The following KLHL32 variants were observed in gnomAD, a reference collection of about 807,000 sequenced individuals.
KLHL32 encodes kelch-like protein 32.
Under a neutral mutation model 64.8 loss-of-function variants are expected in KLHL32, and 35 were observed. That is an observed-to-expected ratio of 0.54 (90% CI 0.41 to 0.72). KLHL32 has a LOEUF of 0.72. Ranked by LOEUF, KLHL32 falls within the 30% of genes least tolerant of loss-of-function variation. KLHL32 has a pLI of 0.00. For synonymous variants in KLHL32, 259 were observed against 281.0 expected (o/e 0.92, Z 0.78); for missense variants, 589 against 768.5 (o/e 0.77, Z 2.76).
intron 3 of KLHL32, among the ~76,000 whole-genome samples, chr6:97,031,538 A>G (rs1783548810): frequency 6.6e-6 from 1 of 151,818 alleles, no homozygotes; most frequent in African/African-American, 2.4e-5. Flanking sequence ...GGGTCTTCCT[A>G]TGTTGCCCAG....
intron 6 of KLHL32, among the ~76,000 whole-genome samples, chr6:97,092,402 A>C (rs1794391164): frequency 6.6e-6 from 1 of 152,128 alleles, no homozygotes; most frequent in Non-Finnish European, 1.5e-5. Flanking sequence ...AAACTCATCA[A>C]ATTCGTACAT....
At chr6:97,034,264 T>C (rs1783991002) in intron 3 of KLHL32, among the ~76,000 whole-genome samples, 1 of 152,172 alleles carries the variant, frequency 6.6e-6, no homozygotes, top group Non-Finnish European at 1.5e-5. Flanking sequence ...GCACCGTATA[T>C]TGAAAAGCCT....
chr6:96,987,848 G>C (rs1229236599), intron 3 of KLHL32, among the ~76,000 whole-genome samples: 3 of 152,134 alleles, frequency 2.0e-5, no homozygotes, highest in Non-Finnish European at 4.4e-5. Context: ...AACAAGAAAT[G>C]GGGAAAGGAT....
intron 10 of KLHL32, among the ~76,000 whole-genome samples, chr6:97,133,678 A>G (rs1405566063): frequency 2.0e-5 from 3 of 152,152 alleles, no homozygotes; most frequent in Admixed American, 6.5e-5. Flanking sequence ...CTCCCTTTAC[A>G]TTCATAATAT....
intron 8 of KLHL32, 50 bp downstream of exon 8, chr6:97,127,512 A>G: frequency 7.0e-7 from 1 of 1,418,790 alleles, no homozygotes; most frequent in Admixed American, 1.7e-5. Context: ...GAATTTTAAA[A>G]GATTCCAGAG....
At chr6:97,063,146 G>A (rs1475925517) in intron 4 of KLHL32, among the ~76,000 whole-genome samples, 1 of 152,212 alleles carries the variant, frequency 6.6e-6, no homozygotes, top group Non-Finnish European at 1.5e-5. Flanking sequence ...AAAACAGATA[G>A]TGTGAGTGGA....
intron 5 of KLHL32, among the ~76,000 whole-genome samples, chr6:97,070,903 A>G (rs533965260): frequency 1.3e-5 from 2 of 152,250 alleles, no homozygotes; most frequent in African/African-American, 4.8e-5. Flanking sequence ...TTCATTTGAG[A>G]TATTTATTCT....
chr6:96,904,274 G>A, the KLHL32 span, among the ~76,000 whole-genome samples: 4 of 151,084 alleles, frequency 2.6e-5, no homozygotes, highest in South Asian at 2.1e-4. Flanking sequence ...CCCAGGAGGC[G>A]GAGGTTGCAG....
intron 4 of KLHL32, 74 bp from the exon 5 acceptor site, chr6:97,064,554 T>C (rs1479514287): frequency 1.0e-6 from 1 of 979,218 alleles, no homozygotes; most frequent in African/African-American, 1.6e-5. Flanking sequence ...TATACTATGG[T>C]ATATCTACAT....
intron 6 of KLHL32, among the ~76,000 whole-genome samples, chr6:97,107,524 T>C (rs1252004325): frequency 6.6e-6 from 1 of 152,226 alleles, no homozygotes; most frequent in Non-Finnish European, 1.5e-5. Context: ...TTGAGCCAAG[T>C]GGACTCAGCT....
In KLHL32 at chr6:97,113,876, CT is replaced by C. The variant is rs776620534; in HGVS notation, c.722del (p.Leu241ProfsTer80). 3 of 1,614,114 alleles carry C rather than the reference CT, an allele frequency of 1.9e-6. No homozygotes were observed. In the African/African-American group the frequency reaches 4.0e-5, roughly 22 times the overall value. ...IRFGLMDVDT[L>X]HTVALSHPLV... ...CTTTGGCCTAATGGATGTGGATACT[CT>C]CCATACAGTTGCCCTGTCCCACCCC... On this transcript the variant is annotated frameshift_variant, in exon 7 of 11. Coordinates refer to ENST00000369261, the MANE Select transcript of KLHL32 (RefSeq NM_052904.4). LOFTEE classifies it high-confidence loss of function.
At chr6:97,031,751 G>A (rs1427825637) in intron 3 of KLHL32, among the ~76,000 whole-genome samples, 1 of 152,152 alleles carries the variant, frequency 6.6e-6, no homozygotes, top group African/African-American at 2.4e-5. Context: ...AAGTCTAGGA[G>A]TATGTTGCAA....
At chr6:97,139,014 G>A in intron 10 of KLHL32, 107 bp from the exon 11 acceptor site, 1 of 997,042 alleles carries the variant, frequency 1.0e-6, no homozygotes. Context: ...AAGATATGGT[G>A]ATGGTGACAT....
At chr6:97,009,796 A>G (rs540879365) in intron 3 of KLHL32, among the ~76,000 whole-genome samples, 14 of 152,200 alleles carry the variant, frequency 9.2e-5, no homozygotes, top group Non-Finnish European at 1.9e-4. Context: ...AAAGCACGTG[A>G]GGGTCTTCTT....
At chr6:97,045,907 T>C (rs1391297657) in intron 4 of KLHL32, among the ~76,000 whole-genome samples, 10 of 152,198 alleles carry the variant, frequency 6.6e-5, no homozygotes, top group Admixed American at 6.5e-4. Context: ...ATGCCTTAGG[T>C]GCTTAAATTC....
At chr6:97,010,199 G>A (rs1780210486) in intron 3 of KLHL32, 1 of 148,604 alleles carries the variant, frequency 6.7e-6, no homozygotes, top group Admixed American at 6.7e-5. Flanking sequence ...CCATGCTCCT[G>A]GTTCACTGCA....
intron 3 of KLHL32, among the ~76,000 whole-genome samples, chr6:96,981,198 C>T (rs1309962944): frequency 6.6e-6 from 1 of 152,094 alleles, no homozygotes; most frequent in Non-Finnish European, 1.5e-5. Context: ...TAAAGCCAAA[C>T]CATATCAGTA....
intron 5 of KLHL32, among the ~76,000 whole-genome samples, chr6:97,072,347 C>G (rs949183494): frequency 2.0e-5 from 3 of 152,082 alleles, no homozygotes; most frequent in African/African-American, 7.2e-5. Flanking sequence ...TACAGAATTC[C>G]AAAATTCTGT....
chr6:96,967,118 G>C, intron 2 of KLHL32, 35 bp downstream of exon 2: 1 of 1,606,172 alleles, frequency 6.2e-7, no homozygotes, highest in Non-Finnish European at 8.5e-7. Context: ...ACATGCCGTA[G>C]TGAGCCCTGA....
Sources: gnomAD v4.1 joint callset for allele counts (sites outside exome capture counted in the v4.1 genomes callset) on GRCh38, gnomAD v4.1.1 for gene constraint, MANE v1.5 for transcripts, NCBI Gene and HGNC (gene_info 2026-07-23, HGNC 2026-07-21) for gene names.